LEUTX: variants seen among roughly 807,000 people sequenced by gnomAD.
The protein encoded by LEUTX is paired-like homeodomain transcription factor LEUTX.
A neutral mutation model predicts 4.5 loss-of-function variants in LEUTX; 5 were observed. The ratio of observed to expected loss-of-function variants is 1.11; its 90% CI spans 0.58 to 2.34. LEUTX has a LOEUF of 2.34. LEUTX is among the 30% of genes most tolerant of loss of function. The probability of loss-of-function intolerance (pLI) is 0.01; values close to 1 mark genes in which losing one functional copy is unlikely to be tolerated. For synonymous variants in LEUTX, 89 were observed against 85.1 expected, an observed-to-expected ratio of 1.05 and a Z score of -0.25; for missense variants, 233 against 239.4, an observed-to-expected ratio of 0.97 and a Z score of 0.18.
chr19:39,778,663 C>CTTTTT (rs34540141), upstream of LEUTX, among the ~76,000 whole-genome samples: 1 of 119,660 alleles, frequency 8.4e-6, no homozygotes, highest in African/African-American at 3.3e-5. Flanking sequence ...AAGGATCAGT[C>CTTTTT]TTTTTTTTTT....
intron 1 of LEUTX, among the ~76,000 whole-genome samples, chr19:39,782,473 G>C (rs1967901068): frequency 6.6e-6 from 1 of 152,128 alleles, no homozygotes; most frequent in Non-Finnish European, 1.5e-5. Flanking sequence ...TGATTGTGAG[G>C]CCTCCCCAGC....
chr19:39,785,683 C>G lies in LEUTX; in HGVS notation c.160-15C>G, dbSNP rs10410397. The G allele has an allele frequency of 6.5e-7, 1 of 1,546,162 alleles. No homozygotes were observed. The highest frequency in any genetic ancestry group is 1.2e-5 in the South Asian group (1 of 83,558). On this transcript the variant is annotated splice_polypyrimidine_tract_variant and intron_variant, in intron 2 of 2. Transcript: ENST00000638280. ...TCAACATCCATTATTAACCTCCCCC[C>G]TCCTCCCTCCTTAGATCTGGTTCAA...
chr19:39,785,863 G>A lies in LEUTX; in HGVS notation c.325G>A (p.Asp109Asn), dbSNP rs1389153952. 1 of 1,551,786 alleles carries A rather than the reference G, an allele frequency of 6.4e-7. No individual in the cohort carries two copies. Among genetic ancestry groups the A allele is most frequent in the Non-Finnish European group, 8.7e-7 (1 of 1,147,018 alleles). ...NIRPVSPGISDANDHDLREPS... is the reference protein window; with the variant it reads ...NIRPVSPGISNANDHDLREPS... ...TCGTCCAGTAAGTCCTGGAATCTCT[G>A]ATGCAAATGACCATGATCTACGTGA... The change falls in exon 3 of 3, where the codon GAT becomes AAT. Residue 109 changes from aspartate (D) to asparagine (N), a missense_variant. Transcript: ENST00000638280.
At position 39,785,977 on chromosome 19, in the gene LEUTX, T is replaced by C. The variant is rs1967965988; in HGVS notation, c.439T>C (p.Cys147Arg). 1 of 1,551,778 alleles carries C rather than the reference T, an allele frequency of 6.4e-7. No individual in the cohort carries two copies. The highest frequency in any genetic ancestry group is 8.7e-7 in the Non-Finnish European group (1 of 1,147,018). The change falls in exon 3 of 3, where the codon TGT becomes CGT. Residue 147 changes from cysteine to arginine, a missense_variant. By Grantham distance (180) the Cys-to-Arg change is radical. Coordinates refer to ENST00000638280, the MANE Select transcript of LEUTX (RefSeq NM_001382345.1). ...DSQSYDIEQI[C>R]LGASNPPWAS... is the part of the protein sequence containing the mutation. ...TCAGTCATATGACATTGAACAGATATGTCTGGGGGCTTCAAATCCTCCTTG... is the reference window on the plus strand; with the variant it reads ...TCAGTCATATGACATTGAACAGATACGTCTGGGGGCTTCAAATCCTCCTTG...
At chr19:39,784,725 TCA>T in intron 2 of LEUTX, 47 bp downstream of exon 2, 4 of 1,349,898 alleles carry the variant, frequency 3.0e-6, no homozygotes, top group South Asian at 1.3e-5. Context: ...ACCCAGAGCT[TCA>T]CACACACTTT....
At chr19:39,777,939 G>T (rs1967821840), upstream of LEUTX, among the ~76,000 whole-genome samples, 1 of 152,206 alleles carries the variant, frequency 6.6e-6, no homozygotes, top group Non-Finnish European at 1.5e-5. Context: ...GGGGTGTGGA[G>T]GTTGCGGGAG....
At chr19:39,780,485 T>G (rs1000968527) in intron 1 of LEUTX, among the ~76,000 whole-genome samples, 2 of 152,228 alleles carry the variant, frequency 1.3e-5, no homozygotes, top group Non-Finnish European at 2.9e-5. Context: ...GAAACCCCTG[T>G]GCCTCATCTC....
Position 39,784,571 on chromosome 19 carries a change from A to G in LEUTX, c.52A>G (p.Lys18Glu). 1 of 1,471,232 alleles carries G rather than the reference A, an allele frequency of 6.8e-7. No homozygotes were observed. The allele number at this position is 1,471,232 out of a possible 1,614,324, so 91.1% of individuals were successfully genotyped here. ...TCGGCCACGCACAAGATTTCTCTCCAAACAACTCACAGCATTGAGAGAATT... is the reference window on the plus strand; with the variant it reads ...TCGGCCACGCACAAGATTTCTCTCCGAACAACTCACAGCATTGAGAGAATT... ...YRRPRTRFLS[K>E]QLTALRELLE... is the part of the protein sequence containing the mutation. The change falls in exon 2 of 3, where the codon AAA (lysine) becomes GAA (glutamate). Residue 18 changes from lysine (K) to glutamate (E), a missense_variant. Physicochemically the swap from Lys to Glu is moderately conservative, Grantham distance 56 (BLOSUM62 1). Transcript: ENST00000638280.
rs577142991 is a variant in LEUTX, at chr19:39,785,716, C to T, written c.178C>T (p.Arg60Cys). Residue 60 changes from arginine to cysteine, a missense_variant, in exon 3 of 3, where the codon CGT (arginine) becomes TGT (cysteine). Arg to Cys is a radical substitution (Grantham distance 180). Transcript: ENST00000638280. Reference sequence around the variant, plus strand: ...TCCTTAGATCTGGTTCAAGAACCAGCGTGCCAAATGGAAGAGGCAGCAGCG... The same window carrying T: ...TCCTTAGATCTGGTTCAAGAACCAGTGTGCCAAATGGAAGAGGCAGCAGCG... Reference protein sequence around the residue: ...SVVKIWFKNQRAKWKRQQRQQ... With the variant: ...SVVKIWFKNQCAKWKRQQRQQ... The T allele has an allele frequency of 1.1e-5, 17 of 1,551,796 alleles. No homozygotes were observed. Among genetic ancestry groups the T allele is most frequent in the Admixed American group, 2.0e-5 (1 of 50,992 alleles).
At chr19:39,780,870 TG>T (rs138876722) in intron 1 of LEUTX, among the ~76,000 whole-genome samples, 3,015 of 152,018 alleles carry the variant, frequency 0.02, 54 homozygotes, top group South Asian at 0.044. Flanking sequence ...TTTTTCTAAT[TG>T]TTTTATATTT....
At chr19:39,783,580 C>CT (rs1355945803) in intron 1 of LEUTX, among the ~76,000 whole-genome samples, 1 of 151,942 alleles carries the variant, frequency 6.6e-6, no homozygotes, top group Non-Finnish European at 1.5e-5. Context: ...AATCTTTACA[C>CT]TGTTTTCCAT....
intron 1 of LEUTX, among the ~76,000 whole-genome samples, chr19:39,781,278 T>C (rs1967882643): frequency 6.6e-6 from 1 of 152,218 alleles, no homozygotes; most frequent in Non-Finnish European, 1.5e-5. Flanking sequence ...TGTTGGCTTC[T>C]GTTTTTCCAT....
rs547985951 is a variant in LEUTX, at chr19:39,785,839, C to T, written c.301C>T (p.Arg101Cys). The change falls in exon 3 of 3, where the codon CGT (arginine) becomes TGT (cysteine). Residue 101 changes from arginine (R) to cysteine (C), a missense_variant. Physicochemically the swap from Arg to Cys is radical, Grantham distance 180. Coordinates refer to ENST00000638280, the MANE Select transcript of LEUTX (RefSeq NM_001382345.1). ...CTCAGCCATAACTACTGCAAACATT[C>T]GTCCAGTAAGTCCTGGAATCTCTGA... ...TPSAITTANIRPVSPGISDAN... is the reference protein window; with the variant it reads ...TPSAITTANICPVSPGISDAN... 18 of 1,551,658 alleles carry T rather than the reference C, an allele frequency of 1.2e-5. No individual in the cohort carries two copies. The Admixed American group carries it at 1.6e-4, about 14-fold the overall frequency.
chr19:39,782,508 ACTT>A (rs1967901582), intron 1 of LEUTX, among the ~76,000 whole-genome samples: 1 of 152,066 alleles, frequency 6.6e-6, no homozygotes, highest in African/African-American at 2.4e-5. Flanking sequence ...AGTCCATTAA[ACTT>A]CTTTCCTTTA....
intron 1 of LEUTX, among the ~76,000 whole-genome samples, chr19:39,782,723 T>G (rs1334690943): frequency 6.6e-6 from 1 of 152,168 alleles, no homozygotes; most frequent in Non-Finnish European, 1.5e-5. Flanking sequence ...AAGTTGGCAC[T>G]GATTTTCTAG....
chr19:39,778,734 G>GTTC (rs1200065742), upstream of LEUTX: 1 of 146,794 alleles, frequency 6.8e-6, no homozygotes, highest in East Asian at 2.0e-4. Context: ...CATATAATAG[G>GTTC]TTCTAAATAA....
chr19:39,780,029 G>T (rs898062919), intron 1 of LEUTX, among the ~76,000 whole-genome samples: 5 of 152,084 alleles, frequency 3.3e-5, no homozygotes, highest in African/African-American at 1.2e-4. Context: ...CAAAAAAAGT[G>T]TATTTCTTGG....
chr19:39,785,742 G>A lies in LEUTX; in HGVS notation c.204G>A (p.Arg68=). The change falls in exon 3 of 3, where the codon CGG becomes CGA. Residue 68 remains arginine (R), a synonymous_variant. Coordinates refer to ENST00000638280, the MANE Select transcript of LEUTX (RefSeq NM_001382345.1). ...NQRAKWKRQQ[R]QQMQTRPSLG... ...GTGCCAAATGGAAGAGGCAGCAGCG[G>A]CAGCAAATGCAGACACGGCCATCAC... 3.9e-6 allele frequency: 6 copies of A among 1,551,744 alleles called. No individual in the cohort carries two copies. Among genetic ancestry groups the A allele is most frequent in the Non-Finnish European group, 5.2e-6 (6 of 1,146,996 alleles).
upstream of LEUTX, chr19:39,778,756 A>G (rs1967838052): frequency 6.6e-6 from 1 of 150,460 alleles, no homozygotes; most frequent in African/African-American, 2.5e-5. Context: ...CAGATATTGA[A>G]TGGATTATTG....
Sources: gnomAD v4.1 joint callset for allele counts (sites outside exome capture counted in the v4.1 genomes callset) on GRCh38, gnomAD v4.1.1 for gene constraint, MANE v1.5 for transcripts, NCBI Gene and HGNC (gene_info 2026-07-23, HGNC 2026-07-21) for gene names.